RAPGEF2: variants seen among roughly 807,000 people sequenced by gnomAD.
The protein encoded by RAPGEF2 is PDZ domain containing guanine nucleotide exchange factor (GEF) 1.
RAPGEF2 carries 54 observed loss-of-function variants against 186.7 expected under a neutral mutation model. That is an observed-to-expected ratio of 0.29 (90% CI 0.23 to 0.36). The LOEUF is 0.36. Among genes scored for constraint, RAPGEF2 ranks in the 10% least tolerant of loss-of-function variants. The probability of loss-of-function intolerance (pLI) is 1.00; values close to 1 mark genes in which losing one functional copy is unlikely to be tolerated. For missense variants in RAPGEF2, 1,532 were observed against 2,045.0 expected, an observed-to-expected ratio of 0.75 and a Z score of 4.84; for synonymous variants, 712 against 705.9, an observed-to-expected ratio of 1.01 and a Z score of -0.14.
chr4:159,196,637 C>G (rs1748681298), intron 3 of RAPGEF2, among the ~76,000 whole-genome samples: 1 of 152,226 alleles, frequency 6.6e-6, no homozygotes, highest in Non-Finnish European at 1.5e-5. Context: ...ATACAGTAAC[C>G]TGTACAGAGT....
At chr4:159,243,739 C>A in intron 6 of RAPGEF2, 35 bp from the exon 7 acceptor site, 1 of 1,254,996 alleles carries the variant, frequency 8.0e-7, no homozygotes, top group Non-Finnish European at 1.0e-6. Context: ...TTTTCCTTTC[C>A]TCCTTTATGG....
At position 159,358,339 on chromosome 4, in the gene RAPGEF2, T is replaced by A. The variant is rs146843285; in HGVS notation, c.*200T>A. On this transcript the variant is annotated 3_prime_UTR_variant, in exon 30 of 30. Transcript: ENST00000691494. Reference sequence around the variant, plus strand: ...GTGAAATACTGTGAAGAAATTGCCCTGGCACTTTTCAGACTTTGTTGCTTG... The same window carrying A: ...GTGAAATACTGTGAAGAAATTGCCCAGGCACTTTTCAGACTTTGTTGCTTG... The A allele has an allele frequency of 1.2e-4, 65 of 561,132 alleles. 1 individual carries two copies. In the East Asian group the frequency reaches 1.8e-3, roughly 15 times the overall value. The allele number at this position is 561,132 out of a possible 1,614,324, so 34.8% of individuals were successfully genotyped here. A position where few individuals can be genotyped will look rare whatever the true frequency, so the allele number is the denominator to read the frequency against.
intron 13 of RAPGEF2, 72 bp from the exon 14 acceptor site, chr4:159,331,359 C>T: frequency 1.2e-6 from 1 of 847,682 alleles, no homozygotes. Context: ...AGTTGGATAT[C>T]TTTTCTGGAA....
rs530438824 is a variant in RAPGEF2, at chr4:159,172,889, T to C, written c.70-13753T>C. ...TACCCAGCATTTTCTGTAACTGCCC[T>C]CCTCTGCACCCTTTCCCTAAATAGT... On this transcript the variant is annotated intron_variant, in intron 1 of 29. Transcript: ENST00000691494. 2.5e-3 allele frequency among the ~76,000 whole-genome samples: 338 copies of C among 133,588 alleles called. 3 individuals are homozygous for C. The highest frequency in any genetic ancestry group is 0.011 in the African/African-American group (326 of 30,948). 87.6% of individuals were successfully genotyped at this position (133,588 alleles called of 152,430 possible).
intron 1 of RAPGEF2, among the ~76,000 whole-genome samples, chr4:159,136,814 G>T (rs17225089): frequency 0.18 from 27,251 of 152,010 alleles, 2,517 homozygotes; most frequent in Admixed American, 0.24. Context: ...TCATGAGAAA[G>T]TTTGGTAACC....
chr4:159,326,138 C>T (rs1314421681), intron 11 of RAPGEF2, among the ~76,000 whole-genome samples: 3 of 152,116 alleles, frequency 2.0e-5, no homozygotes, highest in African/African-American at 4.8e-5. Context: ...TAAGGAATTC[C>T]TTAAACAGGG....
chr4:159,268,123 G>T (rs372108584), intron 7 of RAPGEF2: 7 of 1,611,992 alleles, frequency 4.3e-6, no homozygotes, highest in South Asian at 3.3e-5. Flanking sequence ...GGTACATGAT[G>T]TGTAAATTCA....
rs186987979 is a variant in RAPGEF2, at chr4:159,320,267, A to G, written c.854-2080A>G. On this transcript the variant is annotated intron_variant, in intron 9 of 29. Coordinates refer to ENST00000691494, the MANE Select transcript of RAPGEF2 (RefSeq NM_001394067.2). ...AATCAAAAGGTCAATGCATTGGTAA[A>G]ACAATGATTCCTGCCTCCCATATAT... Among the ~76,000 whole-genome samples the G allele has an allele frequency of 2.9e-3, 449 of 152,210 alleles. 3 individuals carry two copies. Among genetic ancestry groups the G allele is most frequent in the African/African-American group, 0.01 (425 of 41,538 alleles).
intron 7 of RAPGEF2, among the ~76,000 whole-genome samples, chr4:159,260,315 A>C (rs1462410239): frequency 1.3e-5 from 2 of 151,474 alleles, no homozygotes; most frequent in African/African-American, 2.4e-5. Context: ...GGGACATTTT[A>C]ATATTCTCCC....
chr4:159,189,945 C>T (rs987899233), intron 2 of RAPGEF2, among the ~76,000 whole-genome samples: 11 of 152,072 alleles, frequency 7.2e-5, no homozygotes, highest in African/African-American at 2.4e-4. Context: ...CCTAGTGGAG[C>T]AGAAAAGATT....
Position 159,220,395 on chromosome 4 carries a change from T to C in RAPGEF2, c.281+9812T>C, listed in dbSNP as rs115961512. 5.5e-3 allele frequency among the ~76,000 whole-genome samples: 839 copies of C among 152,166 alleles called. 9 individuals are homozygous for C. Among genetic ancestry groups the C allele is most frequent in the African/African-American group, 0.019 (796 of 41,538 alleles). On this transcript the variant is annotated intron_variant, in intron 4 of 29. Coordinates refer to ENST00000691494, the MANE Select transcript of RAPGEF2 (RefSeq NM_001394067.2). ...GGGATGGGGTGGGGGAGGTGTTAGC[T>C]TTTGAGAGAGCAAAAGCACTTCATG...
chr4:159,153,901 A>G (rs780824371), intron 1 of RAPGEF2, among the ~76,000 whole-genome samples: 15 of 152,236 alleles, frequency 9.9e-5, no homozygotes, highest in Non-Finnish European at 1.9e-4. Flanking sequence ...ATTGCTTAGC[A>G]TGGTATACAG....
At chr4:159,261,648 G>A (rs1487443507) in intron 7 of RAPGEF2, among the ~76,000 whole-genome samples, 1 of 152,108 alleles carries the variant, frequency 6.6e-6, no homozygotes, top group Non-Finnish European at 1.5e-5. Flanking sequence ...GTTACTGCTT[G>A]CTGTTGTTTG....
In RAPGEF2 at chr4:159,353,304, T is replaced by C. The variant is rs1731469155; in HGVS notation, c.4092-183T>C. Among the ~76,000 whole-genome samples the C allele has an allele frequency of 6.6e-6, 1 of 151,988 alleles. No homozygotes were observed. Among genetic ancestry groups the C allele is most frequent in the African/African-American group, 2.4e-5 (1 of 41,372 alleles). On this transcript the variant is annotated intron_variant, in intron 27 of 29. Coordinates refer to ENST00000691494, the MANE Select transcript of RAPGEF2 (RefSeq NM_001394067.2). This position sits in a 1 kb window ranked among gnomAD's most constrained non-coding sequence, Gnocchi z 4.3. ...CCGCATGCCTGTTTTATAGTAATGA[T>C]AAAGTCAGAAGGCTAGACATGGCAG...
chr4:159,339,970 ATGT>A (rs1442520840), intron 19 of RAPGEF2, among the ~76,000 whole-genome samples: 111 of 152,308 alleles, frequency 7.3e-4, no homozygotes, highest in Non-Finnish European at 2.6e-4. Context: ...TTGCAAGAAA[ATGT>A]TGTGTCTGAT....
At chr4:159,198,393 T>TTCCC (rs1336898763) in intron 3 of RAPGEF2, among the ~76,000 whole-genome samples, 5 of 129,062 alleles carry the variant, frequency 3.9e-5, no homozygotes, top group African/African-American at 1.7e-4. Flanking sequence ...CCTTCCTTCC[T>TTCCC]TCCTCTCTCT....
chr4:159,160,904 T>C (rs1744641762), intron 1 of RAPGEF2, among the ~76,000 whole-genome samples: 1 of 152,240 alleles, frequency 6.6e-6, no homozygotes, highest in Non-Finnish European at 1.5e-5. Flanking sequence ...TAGCTTTGTC[T>C]ATATTACATT....
intron 4 of RAPGEF2, among the ~76,000 whole-genome samples, chr4:159,230,936 T>C (rs889355904): frequency 2.0e-5 from 3 of 152,192 alleles, no homozygotes; most frequent in Non-Finnish European, 4.4e-5. Context: ...GATTCTGTTA[T>C]GTGTTCAGTG....
At chr4:159,319,454 C>T (rs1239468286) in intron 9 of RAPGEF2, among the ~76,000 whole-genome samples, 2 of 151,914 alleles carry the variant, frequency 1.3e-5, no homozygotes, top group African/African-American at 2.4e-5. Flanking sequence ...TTGTCTTTCA[C>T]GAAACCTGCC....
Sources: allele counts gnomAD v4.1 joint callset (sites outside exome capture counted in the v4.1 genomes callset), GRCh38; gene constraint gnomAD v4.1.1; non-coding constraint Gnocchi (gnomAD v3.1); transcripts MANE v1.5; gene names NCBI Gene and HGNC (gene_info 2026-07-23, HGNC 2026-07-21).